Variants in MOXD1 observed in about 807,000 individuals in gnomAD.
MOXD1 encodes DBH-like monooxygenase protein 1.
MOXD1 carries 62 observed loss-of-function variants against 66.6 expected under a neutral mutation model. The observed-to-expected ratio is 0.93, with a 90% CI of 0.76 to 1.15. The LOEUF (loss-of-function observed/expected upper bound fraction) is 1.15. Ranked by LOEUF, MOXD1 falls within the 50% of genes most tolerant of loss-of-function variation. The probability of loss-of-function intolerance (pLI) is 0.00; values close to 1 mark genes in which losing one functional copy is unlikely to be tolerated. For synonymous variants in MOXD1, 303 were observed against 281.9 expected (o/e 1.07, Z -0.75); for missense variants, 847 against 754.6 (o/e 1.12, Z -1.44).
At chr6:132,363,366 ATC>A (rs1352021796) in intron 4 of MOXD1, among the ~76,000 whole-genome samples, 3 of 152,108 alleles carry the variant, frequency 2.0e-5, no homozygotes, top group Non-Finnish European at 4.4e-5. Flanking sequence ...TTCTTTGTAT[ATC>A]TGTTATACCT....
At chr6:132,339,607 G>T (rs1775507558) in intron 4 of MOXD1, among the ~76,000 whole-genome samples, 1 of 152,208 alleles carries the variant, frequency 6.6e-6, no homozygotes, top group South Asian at 2.1e-4. Flanking sequence ...TTTTGGCTAA[G>T]AATGATCCCC....
chr6:132,340,500 G>A (rs1367621907), intron 4 of MOXD1, among the ~76,000 whole-genome samples: 1 of 144,532 alleles, frequency 6.9e-6, no homozygotes, highest in African/African-American at 2.6e-5. Flanking sequence ...ATTTTAATTC[G>A]GCTATCTGGA....
intron 1 of MOXD1, among the ~76,000 whole-genome samples, chr6:132,376,941 A>G (rs1450487552): frequency 6.6e-6 from 1 of 152,210 alleles, no homozygotes; most frequent in African/African-American, 2.4e-5. Context: ...TCAAAGAACA[A>G]AGAGGCTAAG....
intron 4 of MOXD1, among the ~76,000 whole-genome samples, chr6:132,355,686 C>G (rs894621021): frequency 1.3e-5 from 2 of 152,130 alleles, no homozygotes; most frequent in Non-Finnish European, 2.9e-5. Context: ...AGCCCAGGCA[C>G]TATTAGAAAG....
chr6:132,349,624 C>T (rs1775763698), intron 4 of MOXD1, among the ~76,000 whole-genome samples: 1 of 151,598 alleles, frequency 6.6e-6, no homozygotes, highest in Non-Finnish European at 1.5e-5. Flanking sequence ...TTACTTTCCT[C>T]TGGGTAGATA....
At chr6:132,391,160 G>A (rs947100494) in intron 1 of MOXD1, 2 of 151,134 alleles carry the variant, frequency 1.3e-5, no homozygotes, top group Non-Finnish European at 3.0e-5. Flanking sequence ...AGGTTTGAGG[G>A]GAATCAACCG....
intron 4 of MOXD1, among the ~76,000 whole-genome samples, chr6:132,369,144 G>T (rs1439863964): frequency 6.6e-6 from 1 of 152,056 alleles, no homozygotes; most frequent in Non-Finnish European, 1.5e-5. Flanking sequence ...CTACTGATCA[G>T]AATCTATATT....
intron 4 of MOXD1, among the ~76,000 whole-genome samples, chr6:132,338,664 T>C (rs1775488663): frequency 6.6e-6 from 1 of 152,232 alleles, no homozygotes; most frequent in Non-Finnish European, 1.5e-5. Context: ...CTCAAGGGGA[T>C]ACATTTCAAA....
chr6:132,305,256 C>T (rs1017240347), intron 10 of MOXD1, among the ~76,000 whole-genome samples: 1 of 152,254 alleles, frequency 6.6e-6, no homozygotes, highest in African/African-American at 2.4e-5. Flanking sequence ...AGTCTTCCAC[C>T]AGAATGCCTC....
intron 4 of MOXD1, among the ~76,000 whole-genome samples, chr6:132,351,144 T>G (rs1775792064): frequency 6.6e-6 from 1 of 152,116 alleles, no homozygotes; most frequent in South Asian, 2.1e-4. Context: ...CTTTCTCTTG[T>G]CTGATTGCTC....
rs997218598 is a variant in MOXD1, at chr6:132,397,671, AAAGAAAGAAAGAAAGAAAGAAAG to A, written c.264+3469_264+3491del. The stretch of plus-strand genomic sequence containing the variant: ...GAAAGAAAGAAAGAAAGAAAGAAAG[AAAGAAAGAAAGAAAGAAAGAAAG>A]AAAGAAAAAGAAAGAGTAAAGAGAA... On this transcript the variant is annotated intron_variant, in intron 1 of 11. Coordinates refer to ENST00000367963, the MANE Select transcript of MOXD1 (RefSeq NM_015529.4). Among the ~76,000 whole-genome samples, 146 of 141,960 alleles carry A rather than the reference AAAGAAAGAAAGAAAGAAAGAAAG, an allele frequency of 1.0e-3. 2 individuals are homozygous for A. Among genetic ancestry groups the A allele is most frequent in the African/African-American group, 3.4e-3 (131 of 38,366 alleles). The allele number at this position is 141,960 out of a possible 152,430, so 93.1% of individuals were successfully genotyped here.
rs964642183 is a variant in MOXD1 at position 132,374,881 on chromosome 6, A to G, written c.265-104T>C. On this transcript the variant is annotated intron_variant, in intron 1 of 11. Coordinates refer to ENST00000367963, the MANE Select transcript of MOXD1 (RefSeq NM_015529.4). The stretch of plus-strand genomic sequence containing the variant: ...GTCTTGTTGTCTAGAGTTATTTTAT[A>G]AATCCCGGGAATTTCCAAGGGGCTG... The G allele has an allele frequency of 5.2e-6, 6 of 1,164,242 alleles. No individual in the cohort carries two copies. In the African/African-American group the frequency reaches 6.2e-5, roughly 12 times the overall value. The allele number at this position is 1,164,242 out of a possible 1,614,324, so 72.1% of individuals were successfully genotyped here. A position where few individuals can be genotyped will look rare whatever the true frequency, so the allele number is the denominator to read the frequency against.
intron 1 of MOXD1, among the ~76,000 whole-genome samples, chr6:132,382,055 A>G (rs924431184): frequency 6.6e-6 from 1 of 152,122 alleles, no homozygotes; most frequent in Non-Finnish European, 1.5e-5. Context: ...AAATAGAAAT[A>G]TTGATCACTG....
At chr6:132,299,721 A>T (rs1246973348) in intron 10 of MOXD1, among the ~76,000 whole-genome samples, 2 of 152,168 alleles carry the variant, frequency 1.3e-5, no homozygotes, top group Non-Finnish European at 2.9e-5. Flanking sequence ...ACAAAATTTT[A>T]CATTAATCCA....
intron 1 of MOXD1, chr6:132,390,289 T>C (rs1776733224): frequency 2.6e-5 from 4 of 151,538 alleles, no homozygotes. Flanking sequence ...ATCTTCTTCA[T>C]AGTACATAAT....
chr6:132,315,607 C>G, intron 10 of MOXD1, 28 bp downstream of exon 10: 1 of 1,590,028 alleles, frequency 6.3e-7, no homozygotes, highest in Non-Finnish European at 8.6e-7. Flanking sequence ...AATACGTTAC[C>G]CCATCATAAA....
chr6:132,350,813 G>A (rs942278604), intron 4 of MOXD1, among the ~76,000 whole-genome samples: 1 of 152,056 alleles, frequency 6.6e-6, no homozygotes, highest in Non-Finnish European at 1.5e-5. Flanking sequence ...GCAGTGTTTT[G>A]TAGCTTTCCT....
chr6:132,356,308 C>G (rs1354254959), intron 4 of MOXD1, among the ~76,000 whole-genome samples: 1 of 152,260 alleles, frequency 6.6e-6, no homozygotes, highest in Admixed American at 6.5e-5. Context: ...ATAAGCCTCA[C>G]TAGTAGTCTA....
rs1009647792 is a variant in MOXD1 at position 132,296,786 on chromosome 6, A to T, written c.*367T>A. On this transcript the variant is annotated 3_prime_UTR_variant, in exon 12 of 12. Coordinates refer to ENST00000367963, the MANE Select transcript of MOXD1 (RefSeq NM_015529.4). ...ATTTTTTAAAAGGAAGGAATTTTTT[A>T]AAGAAATATAAAAGTCAAGTCAAAA... 1.2e-4 allele frequency: 19 copies of T among 158,472 alleles called. No individual in the cohort carries two copies. Among genetic ancestry groups the T allele is most frequent in the Non-Finnish European group, 1.8e-4 (13 of 72,164 alleles). The allele number at this position is 158,472 out of a possible 1,614,324, so 9.8% of individuals were successfully genotyped here. A position where few individuals can be genotyped will look rare whatever the true frequency, so the allele number is the denominator to read the frequency against.
Sources: gnomAD v4.1 joint callset for allele counts (sites outside exome capture counted in the v4.1 genomes callset) on GRCh38, gnomAD v4.1.1 for gene constraint, MANE v1.5 for transcripts, NCBI Gene and HGNC (gene_info 2026-07-23, HGNC 2026-07-21) for gene names.